Variants in PCDHA1 observed in about 807,000 individuals in gnomAD.
PCDHA1 encodes protocadherin alpha-1.
Under a neutral mutation model 61.3 loss-of-function variants are expected in PCDHA1, and 42 were observed. The ratio of observed to expected loss-of-function variants is 0.69; its 90% CI spans 0.54 to 0.89. The LOEUF (loss-of-function observed/expected upper bound fraction) is 0.89. Among genes scored for constraint, PCDHA1 ranks in the 40% least tolerant of loss-of-function variants. The probability of loss-of-function intolerance (pLI) is 0.00; values close to 1 mark genes in which losing one functional copy is unlikely to be tolerated. For missense variants in PCDHA1, 1,256 were observed against 1,235.3 expected, an observed-to-expected ratio of 1.02 and a Z score of -0.25; for synonymous variants, 610 against 553.8, an observed-to-expected ratio of 1.10 and a Z score of -1.43.
At chr5:140,884,213 G>C in intron 1 of PCDHA1, 1 of 1,613,532 alleles carries the variant, frequency 6.2e-7, no homozygotes, top group East Asian at 2.2e-5. Flanking sequence ...CCGCCTTCTG[G>C]TGCTGGTGAA....
intron 1 of PCDHA1, chr5:140,801,432 C>T (rs1464835851): frequency 6.2e-7 from 1 of 1,613,804 alleles, no homozygotes; most frequent in Non-Finnish European, 8.5e-7. Context: ...GGAGGTAAAT[C>T]TGCAGAATGG....
chr5:140,996,372 G>A (rs898606404), intron 3 of PCDHA1, among the ~76,000 whole-genome samples: 1 of 152,180 alleles, frequency 6.6e-6, no homozygotes, highest in Non-Finnish European at 1.5e-5. Context: ...TTTTGTTGTC[G>A]GCTGAAATAA....
At chr5:140,828,509 GTGC>G in intron 1 of PCDHA1, 1 of 1,614,278 alleles carries the variant, frequency 6.2e-7, no homozygotes. Context: ...GGAACAAAGA[GTGC>G]TGATTTACGA....
intron 1 of PCDHA1, among the ~76,000 whole-genome samples, chr5:140,879,820 T>C (rs917285977): frequency 6.6e-6 from 1 of 152,232 alleles, no homozygotes; most frequent in Non-Finnish European, 1.5e-5. Flanking sequence ...CTGTTGGTGT[T>C]CCCTGGCTTG....
In PCDHA1 at chr5:140,876,868, G is replaced by C. The variant is rs563777938; in HGVS notation, c.2394+88184G>C. On this transcript the variant is annotated intron_variant, in intron 1 of 3. Coordinates refer to ENST00000504120, the MANE Select transcript of PCDHA1 (RefSeq NM_018900.4). ...GCCCGAGTACACAGTGTTCGTGAAG[G>C]AGAACAACCCGCCGGGCTGCCACAT... is the stretch of plus-strand genomic sequence containing the variant. 6 of 1,614,160 alleles carry C rather than the reference G, an allele frequency of 3.7e-6. No homozygotes were observed. In the East Asian group the frequency reaches 1.3e-4, roughly 36 times the overall value.
At chr5:140,999,263 A>G (rs566864160) in intron 3 of PCDHA1, among the ~76,000 whole-genome samples, 3 of 152,346 alleles carry the variant, frequency 2.0e-5, no homozygotes, top group East Asian at 1.9e-4. Context: ...TAGTAAAGGA[A>G]TACTGCATAG....
intron 1 of PCDHA1, chr5:140,882,201 CT>C: frequency 6.5e-7 from 1 of 1,528,460 alleles, no homozygotes; most frequent in South Asian, 1.3e-5. Context: ...AAAATTGGGC[CT>C]TGAGAGACAG....
intron 1 of PCDHA1, chr5:140,808,817 C>G: frequency 6.2e-7 from 1 of 1,612,850 alleles, no homozygotes; most frequent in Non-Finnish European, 8.5e-7. Flanking sequence ...CGGCGTGCCA[C>G]CTCTGGGCAG....
rs1245341216 is a variant in PCDHA1, at chr5:140,807,026, A to C, written c.2394+18342A>C. 15 of 852,748 alleles carry C rather than the reference A, an allele frequency of 1.8e-5. 1 individual carries two copies. The highest frequency in any genetic ancestry group is 5.0e-5 in the East Asian group (2 of 39,752). The allele number at this position is 852,748 out of a possible 1,614,324, so 52.8% of individuals were successfully genotyped here. On this transcript the variant is annotated intron_variant, in intron 1 of 3. Transcript: ENST00000504120. Reference sequence around the variant, plus strand: ...TTACCACAAAATACATGAGAGAAGGAGGAAGAAGGGAAAATTCCTTCTATT... The same window carrying C: ...TTACCACAAAATACATGAGAGAAGGCGGAAGAAGGGAAAATTCCTTCTATT...
chr5:140,989,939 C>T (rs533490284), intron 3 of PCDHA1, among the ~76,000 whole-genome samples: 2 of 152,004 alleles, frequency 1.3e-5, no homozygotes, highest in South Asian at 2.1e-4. Flanking sequence ...TGACATTCCA[C>T]GTTTTTCTCG....
chr5:140,845,841 A>C (rs1160077154), intron 1 of PCDHA1, among the ~76,000 whole-genome samples: 1 of 149,848 alleles, frequency 6.7e-6, no homozygotes, highest in African/African-American at 2.4e-5. Flanking sequence ...CATTCTTAAG[A>C]GAAAAGAAGT....
chr5:140,971,263 C>T (rs1554233162), intron 1 of PCDHA1, among the ~76,000 whole-genome samples: 1 of 152,186 alleles, frequency 6.6e-6, no homozygotes, highest in African/African-American at 2.4e-5. Flanking sequence ...CTATTTCTGT[C>T]TTACACTGAC....
intron 1 of PCDHA1, among the ~76,000 whole-genome samples, chr5:140,909,547 C>T (rs2074573960): frequency 1.3e-5 from 2 of 152,278 alleles, no homozygotes; most frequent in Non-Finnish European, 2.9e-5. Context: ...GATGGTGGCA[C>T]TAATCTCTGC....
At chr5:140,870,761 T>C (rs1456957620) in intron 1 of PCDHA1, 1 of 1,613,524 alleles carries the variant, frequency 6.2e-7, no homozygotes, top group Non-Finnish European at 8.5e-7. Flanking sequence ...CTGCAGGTGT[T>C]CGTGCTGGAC....
chr5:140,820,950 C>G (rs1766864862), intron 1 of PCDHA1, among the ~76,000 whole-genome samples: 2 of 152,006 alleles, frequency 1.3e-5, no homozygotes, highest in South Asian at 4.2e-4. Flanking sequence ...ATCCCCATTA[C>G]AGTTTTTGAG....
intron 1 of PCDHA1, chr5:140,804,806 A>T: frequency 3.3e-6 from 1 of 306,632 alleles, no homozygotes; most frequent in Non-Finnish European, 6.0e-6. Flanking sequence ...GAGAAATAGT[A>T]ACCAACTGAA....
intron 1 of PCDHA1, chr5:140,876,457 T>C: frequency 6.2e-7 from 1 of 1,614,008 alleles, no homozygotes; most frequent in Non-Finnish European, 8.5e-7. Flanking sequence ...AGGGATTCCT[T>C]CCATGGCAGG....
intron 3 of PCDHA1, among the ~76,000 whole-genome samples, chr5:140,996,673 T>C (rs2097737293): frequency 6.6e-6 from 1 of 152,200 alleles, no homozygotes; most frequent in African/African-American, 2.4e-5. Context: ...TTTTGAACCA[T>C]GTTGGGCTAG....
intron 1 of PCDHA1, among the ~76,000 whole-genome samples, chr5:140,937,334 G>T (rs1459343291): frequency 3.3e-5 from 5 of 152,092 alleles, no homozygotes; most frequent in African/African-American, 1.2e-4. Flanking sequence ...ACCGCGCCCG[G>T]CTTCTTCCAT....
Sources: allele counts gnomAD v4.1 joint callset (sites outside exome capture counted in the v4.1 genomes callset), GRCh38; gene constraint gnomAD v4.1.1; transcripts MANE v1.5; gene names NCBI Gene and HGNC (gene_info 2026-07-23, HGNC 2026-07-21).